Variants in WDR43 observed in about 807,000 individuals in gnomAD.
WDR43 encodes WD repeat-containing protein 43.
Under a neutral mutation model 91.4 loss-of-function variants are expected in WDR43, and 13 were observed. The ratio of observed to expected loss-of-function variants is 0.14; its 90% CI spans 0.09 to 0.23. The LOEUF (loss-of-function observed/expected upper bound fraction) is 0.23, where lower values mean the gene tolerates loss of function less well. Ranked by LOEUF, WDR43 falls within the 10% of genes least tolerant of loss-of-function variation. The pLI is 1.00. For missense variants in WDR43, 780 were observed against 809.4 expected (o/e 0.96, Z 0.44); for synonymous variants, 331 against 287.9 (o/e 1.15, Z -1.51).
intron 1 of WDR43, among the ~76,000 whole-genome samples, chr2:28,897,425 T>C (rs1457882149): frequency 6.6e-6 from 1 of 152,188 alleles, no homozygotes; most frequent in Non-Finnish European, 1.5e-5. Flanking sequence ...GTTAAGGTCC[T>C]GCTATATGAT....
At position 28,946,767 on chromosome 2, in the gene WDR43, TGAA is replaced by T; in HGVS notation, c.2029_2031del (p.Glu677del). ...CTGATTTAGATCCTGAAAATGAAAG[TGAA>T]GAAGAATGAAGACAGCAAAGCAAGC... is the stretch of plus-strand genomic sequence containing the variant. On this transcript the variant is annotated inframe_deletion, in exon 18 of 18. Transcript: ENST00000407426. The T allele has an allele frequency of 6.3e-7, 1 of 1,575,904 alleles. No individual in the cohort carries two copies. Among genetic ancestry groups the T allele is most frequent in the Non-Finnish European group, 8.6e-7 (1 of 1,162,612 alleles).
chr2:28,934,416 A>G (rs550057981), intron 11 of WDR43, among the ~76,000 whole-genome samples: 3 of 152,146 alleles, frequency 2.0e-5, no homozygotes, highest in Non-Finnish European at 2.9e-5. Flanking sequence ...TATGGTGTTT[A>G]TTACGCTTCA....
intron 1 of WDR43, among the ~76,000 whole-genome samples, chr2:28,896,443 A>G (rs954638216): frequency 6.6e-6 from 1 of 152,234 alleles, no homozygotes; most frequent in African/African-American, 2.4e-5. Context: ...GTTAAGTATT[A>G]TTAATATCTG....
At chr2:28,915,608 T>A (rs1287693136) in intron 5 of WDR43, among the ~76,000 whole-genome samples, 2 of 152,222 alleles carry the variant, frequency 1.3e-5, no homozygotes, top group Non-Finnish European at 2.9e-5. Flanking sequence ...AAGGAAAATG[T>A]TAAAACCCAT....
intron 9 of WDR43, 38 bp downstream of exon 9, chr2:28,926,592 A>G (rs937240388): frequency 6.0e-6 from 9 of 1,505,014 alleles, no homozygotes; most frequent in South Asian, 1.2e-5. Context: ...AAGAAAAAGA[A>G]TATTTCTTTG....
At chr2:28,909,384 C>T (rs913646403) in intron 3 of WDR43, among the ~76,000 whole-genome samples, 9 of 152,102 alleles carry the variant, frequency 5.9e-5, no homozygotes, top group Admixed American at 2.0e-4. Flanking sequence ...CCACCCGCCT[C>T]GGCCTCCCAA....
chr2:28,944,154 G>A (rs560928063), intron 16 of WDR43, among the ~76,000 whole-genome samples: 23 of 152,314 alleles, frequency 1.5e-4, no homozygotes, highest in African/African-American at 5.5e-4. Context: ...CCAAAAAATA[G>A]AGTGGAGAAG....
At chr2:28,915,524 C>G (rs1434744228) in intron 5 of WDR43, among the ~76,000 whole-genome samples, 2 of 152,090 alleles carry the variant, frequency 1.3e-5, no homozygotes, top group African/African-American at 4.8e-5. Flanking sequence ...ATCTTAAGAA[C>G]CTGAATAGTG....
In WDR43 at chr2:28,894,872, C is replaced by T. The variant is rs1460366554; in HGVS notation, c.174C>T (p.Leu58=). ...AGGAGTACGTGCCTTCCGCGCACCT[C>T]AGTGGTACCTGCACCTGTCTGGCCT... ...LHQEYVPSAH[L]SGTCTCLAWA... is the part of the protein sequence containing the mutation. Residue 58 remains leucine (L), a synonymous_variant, in exon 1 of 18, where the codon CTC becomes CTT. Coordinates refer to ENST00000407426, the MANE Select transcript of WDR43 (RefSeq NM_015131.3). 1.2e-6 allele frequency: 2 copies of T among 1,608,998 alleles called. No individual in the cohort carries two copies. The highest frequency in any genetic ancestry group is 1.1e-5 in the South Asian group (1 of 90,194).
intron 3 of WDR43, among the ~76,000 whole-genome samples, chr2:28,910,678 A>AAT (rs71403628): frequency 0.4 from 56,529 of 142,528 alleles, 11,740 homozygotes; most frequent in Middle Eastern, 0.55. Context: ...TGTGTGTGTA[A>AAT]ATATATATAT....
At chr2:28,928,963 C>G (rs1671194411) in intron 10 of WDR43, among the ~76,000 whole-genome samples, 1 of 152,142 alleles carries the variant, frequency 6.6e-6, no homozygotes, top group Non-Finnish European at 1.5e-5. Flanking sequence ...GTGAGAGCCA[C>G]CACACCCAGA....
chr2:28,895,673 A>G (rs1312084198), intron 1 of WDR43: 5 of 152,124 alleles, frequency 3.3e-5, no homozygotes, highest in African/African-American at 1.2e-4. Flanking sequence ...AGATGAAATT[A>G]CCCTTAGATG....
At chr2:28,942,695 GC>G (rs1325817176) in intron 16 of WDR43, among the ~76,000 whole-genome samples, 2 of 149,586 alleles carry the variant, frequency 1.3e-5, no homozygotes, top group Non-Finnish European at 3.0e-5. Flanking sequence ...GCTTGCTGCA[GC>G]CTCAACCTCC....
intron 2 of WDR43, 30 bp downstream of exon 2, chr2:28,902,154 G>A (rs372193812): frequency 5.3e-6 from 8 of 1,521,322 alleles, no homozygotes; most frequent in Non-Finnish European, 7.1e-6. Flanking sequence ...ATTTAAAAGT[G>A]ATGTGACAGG....
chr2:28,916,597 C>G lies in WDR43; in HGVS notation c.747-1296C>G, dbSNP rs115133156. Among the ~76,000 whole-genome samples the G allele has an allele frequency of 5.3e-3, 804 of 152,080 alleles. 5 individuals are homozygous for G. Among genetic ancestry groups the G allele is most frequent in the African/African-American group, 0.018 (762 of 41,484 alleles). On this transcript the variant is annotated intron_variant, in intron 5 of 17. Coordinates refer to ENST00000407426, the MANE Select transcript of WDR43 (RefSeq NM_015131.3). The stretch of plus-strand genomic sequence containing the variant: ...TGCTGACTTGGTTTTGCATATACCT[C>G]TCCCCCTATAACCCCGAACACCTAC...
intron 2 of WDR43, among the ~76,000 whole-genome samples, chr2:28,906,115 A>G (rs1670673355): frequency 6.6e-6 from 1 of 151,722 alleles, no homozygotes; most frequent in Non-Finnish European, 1.5e-5. Flanking sequence ...TTCTTCTTAA[A>G]TTTTTTTTTA....
In WDR43 at chr2:28,925,166, T is replaced by C. The variant is rs1558378106; in HGVS notation, c.1086+13T>C. 1.9e-6 allele frequency: 3 copies of C among 1,600,508 alleles called. No individual in the cohort carries two copies. Among genetic ancestry groups the C allele is most frequent in the Admixed American group, 3.5e-5 (2 of 57,796 alleles). On this transcript the variant is annotated intron_variant, in intron 8 of 17. Transcript: ENST00000407426. Reference sequence around the variant, plus strand: ...TATTGAGCGAGTGGTACGTAGCTGCTACTCTGGAGTAAAGCAATATAGCAT... The same window carrying C: ...TATTGAGCGAGTGGTACGTAGCTGCCACTCTGGAGTAAAGCAATATAGCAT...
rs1671100736 is a variant in WDR43 at position 28,925,015 on chromosome 2, A to T, written c.948A>T (p.Thr316=). The change falls in exon 8 of 18, where the codon ACA becomes ACT. Residue 316 remains threonine (T), a synonymous_variant. Transcript: ENST00000407426. ...YCKKPLTSNC[T]IQIATPGKGK... ...AAAAGCCTTTGACTTCAAACTGCAC[A>T]ATTCAGATAGCAACACCTGGGAAAG... 1 of 1,613,462 alleles carries T rather than the reference A, an allele frequency of 6.2e-7. No individual in the cohort carries two copies. Among genetic ancestry groups the T allele is most frequent in the Admixed American group, 1.7e-5 (1 of 59,898 alleles).
At position 28,927,735 on chromosome 2, in the gene WDR43, G is replaced by T. The variant is rs781307000; in HGVS notation, c.1305+35G>T. The T allele has an allele frequency of 6.2e-5, 100 of 1,607,714 alleles. No individual in the cohort carries two copies. The East Asian group carries it at 2.1e-3, about 33-fold the overall frequency. On this transcript the variant is annotated intron_variant, in intron 10 of 17. Coordinates refer to ENST00000407426, the MANE Select transcript of WDR43 (RefSeq NM_015131.3). ...CTGCTTTGACCATATATTTGAGTTT[G>T]TGATTTAAAATTACTGGGAAATTCT...
Sources: allele counts gnomAD v4.1 joint callset (sites outside exome capture counted in the v4.1 genomes callset), GRCh38; gene constraint gnomAD v4.1.1; transcripts MANE v1.5; gene names NCBI Gene and HGNC (gene_info 2026-07-23, HGNC 2026-07-21).